The following NPAS3 variants were observed in gnomAD, a reference collection of about 807,000 sequenced individuals.
NPAS3 encodes the protein neuronal PAS domain protein 3.
In NPAS3, 14 loss-of-function variants were observed where a neutral mutation model predicts 73.1. The observed-to-expected ratio is 0.19, with a 90% CI of 0.13 to 0.30. The LOEUF is 0.30. Ranked by LOEUF, NPAS3 falls within the 10% of genes least tolerant of loss-of-function variation. The pLI, the probability that NPAS3 is intolerant of heterozygous loss-of-function variation, is 1.00. For missense variants in NPAS3, 1,096 were observed against 1,250.0 expected (o/e 0.88, Z 1.86); for synonymous variants, 620 against 541.5 (o/e 1.14, Z -2.01).
At chr14:33,547,861 T>G (rs1412699282) in intron 4 of NPAS3, among the ~76,000 whole-genome samples, 1 of 152,210 alleles carries the variant, frequency 6.6e-6, no homozygotes, top group Non-Finnish European at 1.5e-5. Context: ...GGGGGATTCA[T>G]TCTTCTTAAA....
At position 33,563,537 on chromosome 14, in the gene NPAS3, C is replaced by CACACACACACACAGAGAGAGAGAG; in HGVS notation, c.558+3328_558+3329insCACACACACACAGAGAGAGAGAGA. On this transcript the variant is annotated intron_variant, in intron 5 of 11. Transcript: ENST00000356141. ...ATACATACACACACACACACACACACAGAGAGAGAGAGAGAGAGAGAGAGA... is the reference window on the plus strand; with the variant it reads ...ATACATACACACACACACACACACACACACACACACACAGAGAGAGAGAGAGAGAGAGAGAGAGAGAGAGAGAGA... Among the ~76,000 whole-genome samples the CACACACACACACAGAGAGAGAGAG allele has an allele frequency of 1.1e-3, 136 of 119,682 alleles. 1 individual carries two copies. The highest frequency in any genetic ancestry group is 3.7e-3 in the African/African-American group (98 of 26,764). 78.5% of individuals were successfully genotyped at this position (119,682 alleles called of 152,430 possible). A position where few individuals can be genotyped will look rare whatever the true frequency, so the allele number is the denominator to read the frequency against.
At chr14:33,304,018 C>T (rs1434841370) in intron 3 of NPAS3, among the ~76,000 whole-genome samples, 1 of 152,224 alleles carries the variant, frequency 6.6e-6, no homozygotes, top group African/African-American at 2.4e-5. Flanking sequence ...CGCCATTCTC[C>T]TGCCTCAGCC....
At chr14:33,666,128 C>T (rs1045843987) in intron 5 of NPAS3, among the ~76,000 whole-genome samples, 7 of 152,126 alleles carry the variant, frequency 4.6e-5, no homozygotes, top group East Asian at 1.9e-4. Context: ...GGTTAATGAA[C>T]GCTGGCATGG....
At chr14:33,340,473 T>C (rs2044422930) in intron 3 of NPAS3, among the ~76,000 whole-genome samples, 1 of 152,208 alleles carries the variant, frequency 6.6e-6, no homozygotes, top group Non-Finnish European at 1.5e-5. Flanking sequence ...CCAGCCTGGG[T>C]GACAGAGGGA....
chr14:33,305,806 C>T (rs1486695952), intron 3 of NPAS3, among the ~76,000 whole-genome samples: 1 of 152,044 alleles, frequency 6.6e-6, no homozygotes, highest in Non-Finnish European at 1.5e-5. Context: ...AACCATATTG[C>T]TGTTGAAAAA....
intron 5 of NPAS3, among the ~76,000 whole-genome samples, chr14:33,673,421 G>A (rs1405304844): frequency 6.6e-6 from 1 of 152,206 alleles, no homozygotes; most frequent in Non-Finnish European, 1.5e-5. Context: ...ATAACTGCCA[G>A]TATTGTTATT....
chr14:33,215,217 C>T, exon 3 of NPAS3: 1 of 1,613,534 alleles, frequency 6.2e-7, no homozygotes, highest in Non-Finnish European at 8.5e-7. Context: ...TCCCGAGATG[C>T]TGCTCGCTCC....
At chr14:33,072,708 A>G (rs1412532247) in intron 2 of NPAS3, among the ~76,000 whole-genome samples, 1 of 152,222 alleles carries the variant, frequency 6.6e-6, no homozygotes, top group African/African-American at 2.4e-5. Flanking sequence ...GCTGTGGGTC[A>G]GGGTGGAACT....
intron 3 of NPAS3, among the ~76,000 whole-genome samples, chr14:33,355,923 C>T (rs532390097): frequency 4.1e-4 from 62 of 152,278 alleles, no homozygotes; most frequent in South Asian, 1.2e-3. Flanking sequence ...TTATTGTTGT[C>T]GTCTGGCTCC....
chr14:33,462,967 T>C (rs2050341636), intron 4 of NPAS3, among the ~76,000 whole-genome samples: 1 of 152,220 alleles, frequency 6.6e-6, no homozygotes. Context: ...AGGTAATAAA[T>C]GGTCATTCTT....
chr14:33,794,930 C>G (rs2063467809), intron 10 of NPAS3, among the ~76,000 whole-genome samples: 1 of 152,180 alleles, frequency 6.6e-6, no homozygotes, highest in African/African-American at 2.4e-5. Context: ...TGGCCTAAAG[C>G]CACCAAGCAG....
intron 3 of NPAS3, among the ~76,000 whole-genome samples, chr14:33,332,609 G>C (rs747555174): frequency 2.0e-4 from 31 of 152,162 alleles, no homozygotes; most frequent in Non-Finnish European, 4.0e-4. Context: ...AACCACAGGC[G>C]TATGAATCTC....
intron 4 of NPAS3, among the ~76,000 whole-genome samples, chr14:33,377,228 A>G (rs990770835): frequency 8.5e-5 from 13 of 152,320 alleles, no homozygotes; most frequent in Admixed American, 2.0e-4. Flanking sequence ...TAATACTCTC[A>G]TTGGCAACTT....
At chr14:33,475,426 A>G (rs1001707666) in intron 4 of NPAS3, among the ~76,000 whole-genome samples, 1 of 152,068 alleles carries the variant, frequency 6.6e-6, no homozygotes, top group East Asian at 1.9e-4. Context: ...TGATTTTGTC[A>G]TTTTAACTTA....
Position 33,783,745 on chromosome 14 carries a change from G to A in NPAS3, c.1153+5173G>A, listed in dbSNP as rs546910202. Among the ~76,000 whole-genome samples the A allele has an allele frequency of 4.6e-5, 7 of 152,222 alleles. No homozygotes were observed. The South Asian group carries it at 1.5e-3, about 32-fold the overall frequency. On this transcript the variant is annotated intron_variant, in intron 9 of 11. Coordinates refer to ENST00000356141, the Ensembl canonical transcript of NPAS3. ...GCTTACTACACTGTGCATCAGTGGG[G>A]CAGTGGTGTCAGCACCCCCTGGGAA...
intron 3 of NPAS3, among the ~76,000 whole-genome samples, chr14:33,257,192 C>T (rs542374687): frequency 3.9e-5 from 6 of 152,318 alleles, no homozygotes; most frequent in South Asian, 4.1e-4. Context: ...CTCCCAGAAA[C>T]TGATGGTGCC....
intron 4 of NPAS3, among the ~76,000 whole-genome samples, chr14:33,526,335 A>G (rs973808634): frequency 6.6e-6 from 1 of 152,154 alleles, no homozygotes; most frequent in Non-Finnish European, 1.5e-5. Context: ...CCATTTTCCT[A>G]TAAAATCCCC....
chr14:33,558,893 C>G (rs1760044860), intron 4 of NPAS3, among the ~76,000 whole-genome samples: 1 of 146,112 alleles, frequency 6.8e-6, no homozygotes, highest in Admixed American at 6.9e-5. Context: ...ACTTTTTTTC[C>G]TGTACAAGCA....
At chr14:33,113,181 TA>T (rs2042952306) in intron 2 of NPAS3, among the ~76,000 whole-genome samples, 1 of 152,100 alleles carries the variant, frequency 6.6e-6, no homozygotes, top group Non-Finnish European at 1.5e-5. Context: ...AACTTTAAAG[TA>T]GTTTTTTTCC....
Sources: gnomAD v4.1 joint callset for allele counts (sites outside exome capture counted in the v4.1 genomes callset) on GRCh38, gnomAD v4.1.1 for gene constraint, MANE v1.5 for transcripts, NCBI Gene and HGNC (gene_info 2026-07-23, HGNC 2026-07-21) for gene names.